COMMD1: variants seen among roughly 807,000 people sequenced by gnomAD.
The protein encoded by COMMD1 is COMM domain-containing protein 1.
In COMMD1, 10 loss-of-function variants were observed where a neutral mutation model predicts 17.2. The observed-to-expected ratio is 0.58, with a 90% CI of 0.36 to 0.99. COMMD1 has a LOEUF of 0.99. Among genes scored for constraint, COMMD1 ranks in the 50% least tolerant of loss-of-function variants. The probability of loss-of-function intolerance (pLI) is 0.01; values close to 1 mark genes in which losing one functional copy is unlikely to be tolerated. For missense variants in COMMD1, 270 were observed against 231.8 expected (o/e 1.17, Z -1.07); for synonymous variants, 97 against 91.6 (o/e 1.06, Z -0.34).
intron 2 of COMMD1, among the ~76,000 whole-genome samples, chr2:62,022,629 C>CT (rs937276166): frequency 1.1e-3 from 167 of 148,340 alleles, no homozygotes; most frequent in South Asian, 3.0e-3. Context: ...CTGCATATCA[C>CT]TTTTTTTTTA....
intron 2 of COMMD1, among the ~76,000 whole-genome samples, chr2:62,048,167 T>A (rs892603181): frequency 2.7e-5 from 4 of 150,652 alleles, no homozygotes; most frequent in Admixed American, 6.6e-5. Flanking sequence ...TTGATGTGAA[T>A]GAGGAACTAA....
chr2:61,916,694 T>C (rs1191677993), intron 1 of COMMD1, among the ~76,000 whole-genome samples: 4 of 152,176 alleles, frequency 2.6e-5, no homozygotes, highest in Non-Finnish European at 5.9e-5. Context: ...CCCAAAGTGC[T>C]GGGATTACAG....
intron 2 of COMMD1, among the ~76,000 whole-genome samples, chr2:62,035,085 T>C (rs565698434): frequency 5.3e-5 from 8 of 152,092 alleles, no homozygotes; most frequent in African/African-American, 1.9e-4. Flanking sequence ...TTTGTGCAGG[T>C]CTAAGCTTGA....
At position 62,008,750 on chromosome 2, in the gene COMMD1, A is replaced by C. The variant is rs146156753; in HGVS notation, c.462+7768A>C. Among the ~76,000 whole-genome samples, 36 of 152,156 alleles carry C rather than the reference A, an allele frequency of 2.4e-4. No individual in the cohort carries two copies. In the East Asian group the frequency reaches 6.6e-3, roughly 28 times the overall value. On this transcript the variant is annotated intron_variant, in intron 2 of 2. Coordinates refer to ENST00000311832, the MANE Select transcript of COMMD1 (RefSeq NM_152516.4). ...AAAATTTAACAGCTTGAAGATACTTAAATCATTTTAGAATACATTATTTAT... is the reference window on the plus strand; with the variant it reads ...AAAATTTAACAGCTTGAAGATACTTCAATCATTTTAGAATACATTATTTAT...
intron 1 of COMMD1, among the ~76,000 whole-genome samples, chr2:61,986,170 T>C (rs1672099628): frequency 6.6e-6 from 1 of 152,032 alleles, no homozygotes; most frequent in East Asian, 1.9e-4. Flanking sequence ...TTTTTTTTCC[T>C]TCAGCACTTT....
chr2:62,127,200 CA>C (rs1361617898), intron 2 of COMMD1, among the ~76,000 whole-genome samples: 2 of 152,268 alleles, frequency 1.3e-5, no homozygotes, highest in Admixed American at 6.5e-5. Flanking sequence ...AAGAGAACTA[CA>C]GACCACTGCT....
At chr2:61,890,818 C>T (rs1446448534) in intron 1 of COMMD1, among the ~76,000 whole-genome samples, 10 of 91,170 alleles carry the variant, frequency 1.1e-4, no homozygotes, top group Admixed American at 1.5e-4. Context: ...TAGAGCAAGA[C>T]TTTGTCTCAA....
At chr2:61,923,731 A>T (rs1670254797) in intron 1 of COMMD1, among the ~76,000 whole-genome samples, 1 of 152,124 alleles carries the variant, frequency 6.6e-6, no homozygotes, top group Admixed American at 6.5e-5. Flanking sequence ...TTAATTGGGC[A>T]AGTGACATAA....
intron 2 of COMMD1, chr2:62,084,696 C>T (rs576022642): frequency 1.3e-5 from 2 of 152,150 alleles, no homozygotes; most frequent in Non-Finnish European, 2.9e-5. Context: ...TTTTTGTTCT[C>T]TACATGGGGA....
In COMMD1 at chr2:61,930,617, T is replaced by TTGTGTGTGTG. The variant is rs59488185; in HGVS notation, c.180+24790_180+24799dup. 2.9e-3 allele frequency among the ~76,000 whole-genome samples: 420 copies of TTGTGTGTGTG among 146,162 alleles called. 1 individual carries two copies. Among genetic ancestry groups the TTGTGTGTGTG allele is most frequent in the Middle Eastern group, 3.4e-3 (1 of 292 alleles). On this transcript the variant is annotated intron_variant, in intron 1 of 2. Coordinates refer to ENST00000311832, the MANE Select transcript of COMMD1 (RefSeq NM_152516.4). Reference sequence around the variant, plus strand: ...AGACTATTGGATAAACCACAGGGTTTTGTGTGTGTGTGTGTGTGTGTGTGT... The same window carrying TTGTGTGTGTG: ...AGACTATTGGATAAACCACAGGGTTTTGTGTGTGTGTGTGTGTGTGTGTGTGTGTGTGTGT...
At position 61,892,608 on chromosome 2, in the gene COMMD1, C is replaced by T. The variant is rs556262335; in HGVS notation, n.119+3766C>T. Among the ~76,000 whole-genome samples, 418 of 148,794 alleles carry T rather than the reference C, an allele frequency of 2.8e-3. 8 individuals are homozygous for T. The highest frequency in any genetic ancestry group is 9.9e-3 in the African/African-American group (384 of 38,908). On this transcript the variant is annotated intron_variant and non_coding_transcript_variant, in intron 1 of 2. Transcript: ENST00000472729. ...ACTGGGGAGGCTGAGGCAGGAGGATCGCTTGAACCTGGGAGGTGGAGGTTG... is the reference window on the plus strand; with the variant it reads ...ACTGGGGAGGCTGAGGCAGGAGGATTGCTTGAACCTGGGAGGTGGAGGTTG...
At chr2:61,931,300 A>T (rs573567226) in intron 1 of COMMD1, among the ~76,000 whole-genome samples, 2 of 152,324 alleles carry the variant, frequency 1.3e-5, no homozygotes, top group East Asian at 3.9e-4. Context: ...TAACAGAGTG[A>T]GACCTTGTCT....
intron 2 of COMMD1, among the ~76,000 whole-genome samples, chr2:62,096,925 CT>C (rs1187868098): frequency 6.6e-6 from 1 of 152,164 alleles, no homozygotes; most frequent in African/African-American, 2.4e-5. Flanking sequence ...CTAAATCTGG[CT>C]TTAGTATTTG....
chr2:62,119,383 A>T (rs1672685235), intron 2 of COMMD1, among the ~76,000 whole-genome samples: 1 of 152,230 alleles, frequency 6.6e-6, no homozygotes, highest in African/African-American at 2.4e-5. Flanking sequence ...CTTGCCTCAT[A>T]TATAAACAGA....
At chr2:62,120,379 T>C (rs1320317877) in intron 2 of COMMD1, among the ~76,000 whole-genome samples, 4 of 152,096 alleles carry the variant, frequency 2.6e-5, no homozygotes, top group African/African-American at 9.7e-5. Flanking sequence ...CAAATTTGTT[T>C]GCAAATGAGT....
intron 2 of COMMD1, among the ~76,000 whole-genome samples, chr2:62,131,937 G>A (rs1264839328): frequency 6.7e-6 from 1 of 148,184 alleles, no homozygotes; most frequent in Non-Finnish European, 1.5e-5. Context: ...TGCCCAGGCT[G>A]GAGTGCAATA....
intron 2 of COMMD1, among the ~76,000 whole-genome samples, chr2:62,063,633 A>G (rs1443685503): frequency 1.3e-5 from 2 of 152,016 alleles, no homozygotes; most frequent in Non-Finnish European, 2.9e-5. Flanking sequence ...GTAAAAAATT[A>G]CTTTTGGGTA....
chr2:61,990,552 A>G (rs1253662741), intron 1 of COMMD1, among the ~76,000 whole-genome samples: 1 of 152,166 alleles, frequency 6.6e-6, no homozygotes, highest in South Asian at 2.1e-4. Flanking sequence ...TGATAAAGAC[A>G]TAGCCGAGAC....
chr2:61,925,139 G>A (rs181169384), intron 1 of COMMD1, among the ~76,000 whole-genome samples: 7 of 152,184 alleles, frequency 4.6e-5, no homozygotes, highest in Middle Eastern at 3.4e-3. Flanking sequence ...GTCTTTGGCA[G>A]GTTTGGGGAA....
Sources: gnomAD v4.1 joint callset for allele counts (sites outside exome capture counted in the v4.1 genomes callset) on GRCh38, gnomAD v4.1.1 for gene constraint, MANE v1.5 for transcripts, NCBI Gene and HGNC (gene_info 2026-07-23, HGNC 2026-07-21) for gene names.